The following DCC variants were observed in gnomAD, a reference collection of about 807,000 sequenced individuals.
DCC encodes DCC netrin 1 receptor.
A neutral mutation model predicts 172.5 loss-of-function variants in DCC; 58 were observed. The ratio of observed to expected loss-of-function variants is 0.34; its 90% CI spans 0.27 to 0.42. DCC has a LOEUF of 0.42. Ranked by LOEUF, DCC falls within the 10% of genes least tolerant of loss-of-function variation. DCC has a pLI of 1.00. For synonymous variants in DCC, 709 were observed against 644.5 expected (o/e 1.10, Z -1.52); for missense variants, 1,740 against 1,791.0 (o/e 0.97, Z 0.51).
Position 53,273,419 on chromosome 18 carries a change from CA to C in DCC, c.1912-32156del, listed in dbSNP as rs1219891619. On this transcript the variant is annotated intron_variant, in intron 12 of 28. Coordinates refer to ENST00000442544, the MANE Select transcript of DCC (RefSeq NM_005215.4). ...AATGGCTATATTGAATAACTTTAGC[CA>C]AAGGAAATTTGATTGGTAGGATTCA... Among the ~76,000 whole-genome samples the C allele has an allele frequency of 4.6e-5, 7 of 151,986 alleles. No homozygotes were observed. The East Asian group carries it at 1.2e-3, about 25-fold the overall frequency.
chr18:52,983,610 G>A (rs1335348121), intron 5 of DCC, among the ~76,000 whole-genome samples: 1 of 152,128 alleles, frequency 6.6e-6, no homozygotes, highest in Non-Finnish European at 1.5e-5. Flanking sequence ...CCTTTTATCT[G>A]AATGTTTGTA....
At chr18:53,180,732 C>T (rs1197765643) in intron 9 of DCC, among the ~76,000 whole-genome samples, 1 of 152,100 alleles carries the variant, frequency 6.6e-6, no homozygotes, top group Non-Finnish European at 1.5e-5. Context: ...GGCACAATCG[C>T]GGCTCATTGC....
At chr18:52,975,405 T>C (rs2041100936) in intron 5 of DCC, among the ~76,000 whole-genome samples, 1 of 152,180 alleles carries the variant, frequency 6.6e-6, no homozygotes, top group South Asian at 2.1e-4. Context: ...TGCGGGTTTG[T>C]TGCATAGGTA....
intron 24 of DCC, among the ~76,000 whole-genome samples, chr18:53,464,531 C>T (rs73957242): frequency 0.035 from 5,244 of 151,708 alleles, 324 homozygotes; most frequent in African/African-American, 0.12. Context: ...AGTGTTACTA[C>T]CAAAAAATTT....
At chr18:53,439,889 C>G (rs927226633) in intron 22 of DCC, among the ~76,000 whole-genome samples, 1 of 149,100 alleles carries the variant, frequency 6.7e-6, no homozygotes, top group Non-Finnish European at 1.5e-5. Flanking sequence ...CTCAGCCTCC[C>G]AAGTAGCTGG....
At chr18:53,420,487 T>C (rs1487191220) in intron 21 of DCC, among the ~76,000 whole-genome samples, 2 of 152,048 alleles carry the variant, frequency 1.3e-5, no homozygotes, top group Non-Finnish European at 2.9e-5. Flanking sequence ...ACTGGGTGGG[T>C]TAAACAACAG....
At chr18:53,492,397 T>C (rs1024696988) in intron 26 of DCC, among the ~76,000 whole-genome samples, 5 of 152,206 alleles carry the variant, frequency 3.3e-5, no homozygotes, top group Non-Finnish European at 7.3e-5. Context: ...ATGTCCTGAA[T>C]GGTATTGCCT....
At chr18:52,472,022 G>T (rs1988961592) in intron 1 of DCC, among the ~76,000 whole-genome samples, 1 of 152,268 alleles carries the variant, frequency 6.6e-6, no homozygotes, top group Admixed American at 6.5e-5. Context: ...TCCAGAAGTT[G>T]CACCGAGTGG....
In DCC at chr18:52,832,508, G is replaced by A. The variant is rs151122962; in HGVS notation, c.413-73536G>A. Among the ~76,000 whole-genome samples the A allele has an allele frequency of 5.5e-3, 833 of 152,220 alleles. 7 individuals carry two copies. Among genetic ancestry groups the A allele is most frequent in the African/African-American group, 0.019 (796 of 41,476 alleles). On this transcript the variant is annotated intron_variant, in intron 2 of 28. Coordinates refer to ENST00000442544, the MANE Select transcript of DCC (RefSeq NM_005215.4). Reference sequence around the variant, plus strand: ...TATAATTTTAGTAAGACTTCTGGGCGTCTTCCGTGGACTCGTTTAAGAATC... The same window carrying A: ...TATAATTTTAGTAAGACTTCTGGGCATCTTCCGTGGACTCGTTTAAGAATC...
chr18:52,948,728 A>G (rs117889257), intron 5 of DCC, among the ~76,000 whole-genome samples: 9,020 of 152,270 alleles, frequency 0.059, 362 homozygotes, highest in South Asian at 0.15. Flanking sequence ...CCTTCTCATC[A>G]CACTAATAAA....
At chr18:52,477,399 A>G (rs1989124643) in intron 1 of DCC, among the ~76,000 whole-genome samples, 1 of 152,168 alleles carries the variant, frequency 6.6e-6, no homozygotes, top group East Asian at 1.9e-4. Flanking sequence ...TCCCATCTGA[A>G]TTACCATCTT....
intron 19 of DCC, among the ~76,000 whole-genome samples, chr18:53,408,367 A>G (rs559771635): frequency 1.3e-5 from 2 of 152,254 alleles, no homozygotes; most frequent in African/African-American, 4.8e-5. Context: ...CACAGGGGAA[A>G]TAGTTGCTTT....
intron 1 of DCC, among the ~76,000 whole-genome samples, chr18:52,641,184 T>A (rs968750728): frequency 6.6e-6 from 1 of 152,144 alleles, no homozygotes; most frequent in Non-Finnish European, 1.5e-5. Flanking sequence ...TAAAACTGGA[T>A]CCTCATCTCT....
chr18:53,451,072 A>G (rs1008172374), intron 23 of DCC, among the ~76,000 whole-genome samples: 1 of 152,192 alleles, frequency 6.6e-6, no homozygotes, highest in Non-Finnish European at 1.5e-5. Context: ...GGAGCCCTGT[A>G]GGCAGTTAAT....
chr18:52,796,834 CATCT>C (rs1463738275), intron 2 of DCC, among the ~76,000 whole-genome samples: 1 of 152,120 alleles, frequency 6.6e-6, no homozygotes. Flanking sequence ...CTTTGAGCTT[CATCT>C]ATCTAGATGT....
At chr18:52,903,386 T>C (rs2039837031) in intron 2 of DCC, among the ~76,000 whole-genome samples, 1 of 152,098 alleles carries the variant, frequency 6.6e-6, no homozygotes, top group Non-Finnish European at 1.5e-5. Flanking sequence ...TAAAAATTTC[T>C]TGTAGCGACA....
intron 8 of DCC, among the ~76,000 whole-genome samples, chr18:53,164,306 G>A (rs911003756): frequency 6.6e-6 from 1 of 152,106 alleles, no homozygotes; most frequent in Admixed American, 6.6e-5. Context: ...GTGCAGTGGT[G>A]TGATCATAGT....
chr18:52,639,813 G>T (rs1371544761), intron 1 of DCC, among the ~76,000 whole-genome samples: 2 of 152,092 alleles, frequency 1.3e-5, no homozygotes, highest in Non-Finnish European at 2.9e-5. Context: ...CTATTCTTGT[G>T]ACACTATTCC....
intron 7 of DCC, among the ~76,000 whole-genome samples, chr18:53,143,862 A>AT (rs1453398024): frequency 1.3e-5 from 2 of 152,204 alleles, no homozygotes; most frequent in African/African-American, 4.8e-5. Flanking sequence ...TGCGAGAATG[A>AT]TTGTTTCCAT....
Sources: gnomAD v4.1 joint callset for allele counts (sites outside exome capture counted in the v4.1 genomes callset) on GRCh38, gnomAD v4.1.1 for gene constraint, MANE v1.5 for transcripts, NCBI Gene and HGNC (gene_info 2026-07-23, HGNC 2026-07-21) for gene names.